Variants in MAGI2 observed in about 807,000 individuals in gnomAD.
MAGI2 encodes membrane associated guanylate kinase, WW and PDZ domain containing 2.
Under a neutral mutation model 133.3 loss-of-function variants are expected in MAGI2, and 35 were observed. The observed-to-expected ratio is 0.26, with a 90% CI of 0.20 to 0.35. The LOEUF (loss-of-function observed/expected upper bound fraction) is 0.35, where lower values mean the gene tolerates loss of function less well. MAGI2 is among the 10% of genes least tolerant of loss of function. The pLI, the probability that MAGI2 is intolerant of heterozygous loss-of-function variation, is 1.00. For missense variants in MAGI2, 1,636 were observed against 1,863.4 expected (o/e 0.88, Z 2.25); for synonymous variants, 729 against 710.6 (o/e 1.03, Z -0.41).
chr7:78,387,674 C>T (rs1316542751), intron 6 of MAGI2, among the ~76,000 whole-genome samples: 1 of 152,142 alleles, frequency 6.6e-6, no homozygotes, highest in Non-Finnish European at 1.5e-5. Context: ...CACCTGTAAT[C>T]CCAGCACTTT....
At chr7:79,011,920 C>CTTTCTTTCTTT (rs1562785320) in intron 1 of MAGI2, among the ~76,000 whole-genome samples, 2 of 123,448 alleles carry the variant, frequency 1.6e-5, no homozygotes, top group East Asian at 3.1e-4. Context: ...TTCCTTCCTT[C>CTTTCTTTCTTT]CTTCCTTTCT....
chr7:78,451,760 C>T (rs1183699738), intron 6 of MAGI2, among the ~76,000 whole-genome samples: 1 of 152,106 alleles, frequency 6.6e-6, no homozygotes, highest in Non-Finnish European at 1.5e-5. Flanking sequence ...TTTGGCAACA[C>T]TGATGGATGG....
At chr7:78,621,047 C>T (rs1348237371) in intron 3 of MAGI2, among the ~76,000 whole-genome samples, 1 of 151,946 alleles carries the variant, frequency 6.6e-6, no homozygotes, top group Admixed American at 6.6e-5. Context: ...TCACAGACAC[C>T]TGGAAGAAGT....
intron 2 of MAGI2, among the ~76,000 whole-genome samples, chr7:78,724,212 A>T (rs1015906548): frequency 3.9e-5 from 6 of 152,180 alleles, no homozygotes; most frequent in Non-Finnish European, 8.8e-5. Context: ...GGAAGAGAGG[A>T]TATAGACATT....
intron 1 of MAGI2, among the ~76,000 whole-genome samples, chr7:79,250,022 C>G (rs1833114444): frequency 6.6e-6 from 1 of 151,910 alleles, no homozygotes; most frequent in Non-Finnish European, 1.5e-5. Flanking sequence ...ATGTGATACA[C>G]TGAAGGACAA....
chr7:78,072,777 C>T (rs1276000526), intron 21 of MAGI2: 1 of 396,662 alleles, frequency 2.5e-6, no homozygotes, highest in African/African-American at 2.1e-5. Flanking sequence ...ACTTCCTGTG[C>T]TTAAGTGATC....
At chr7:79,226,428 C>T (rs1263662018) in intron 1 of MAGI2, among the ~76,000 whole-genome samples, 1 of 152,092 alleles carries the variant, frequency 6.6e-6, no homozygotes, top group Non-Finnish European at 1.5e-5. Flanking sequence ...AATATATAAT[C>T]TTCCCTTTTT....
chr7:78,381,431 A>G (rs1794915360), intron 6 of MAGI2, among the ~76,000 whole-genome samples: 1 of 152,138 alleles, frequency 6.6e-6, no homozygotes, highest in Admixed American at 6.6e-5. Context: ...AGGTTTTCTT[A>G]CTCTGATTCA....
At chr7:79,204,849 T>C (rs1190939325) in intron 1 of MAGI2, among the ~76,000 whole-genome samples, 2 of 151,524 alleles carry the variant, frequency 1.3e-5, no homozygotes, top group South Asian at 4.2e-4. Flanking sequence ...GCAACCGAAA[T>C]CATCAATAAC....
intron 10 of MAGI2, among the ~76,000 whole-genome samples, chr7:78,248,915 A>G (rs1792081947): frequency 6.6e-6 from 1 of 152,054 alleles, no homozygotes. Flanking sequence ...ACAATCAACA[A>G]CCTCCAAAAT....
intron 3 of MAGI2, among the ~76,000 whole-genome samples, chr7:78,531,836 C>G (rs1305861646): frequency 1.3e-5 from 2 of 152,264 alleles, no homozygotes; most frequent in East Asian, 1.9e-4. Context: ...TTTTTAGTCC[C>G]TGTCTTGTAA....
intron 1 of MAGI2, among the ~76,000 whole-genome samples, chr7:79,035,355 T>G: frequency 6.6e-6 from 1 of 152,186 alleles, no homozygotes; most frequent in Admixed American, 6.5e-5. Context: ...GTAAATCTAT[T>G]AAGACTCAAA....
intron 1 of MAGI2, among the ~76,000 whole-genome samples, chr7:79,268,491 T>C (rs1405912062): frequency 6.6e-6 from 1 of 152,230 alleles, no homozygotes; most frequent in Non-Finnish European, 1.5e-5. Flanking sequence ...CGCTAACCTT[T>C]AACATGGTTC....
intron 16 of MAGI2, among the ~76,000 whole-genome samples, chr7:78,136,709 G>A (rs1421442593): frequency 1.3e-5 from 2 of 152,188 alleles, no homozygotes; most frequent in Non-Finnish European, 2.9e-5. Context: ...GCTTTGATCT[G>A]TAGAAATATG....
intron 1 of MAGI2, among the ~76,000 whole-genome samples, chr7:79,183,913 T>A (rs1236814854): frequency 6.6e-6 from 1 of 151,758 alleles, no homozygotes; most frequent in East Asian, 1.9e-4. Flanking sequence ...ATGATCTTAT[T>A]TGTATACAGA....
intron 1 of MAGI2, among the ~76,000 whole-genome samples, chr7:79,056,073 C>A (rs1478752766): frequency 6.6e-6 from 1 of 152,114 alleles, no homozygotes; most frequent in African/African-American, 2.4e-5. Context: ...ACAACCTATC[C>A]AAAGTCTTTT....
chr7:78,761,257 T>C (rs1824477338), intron 2 of MAGI2, among the ~76,000 whole-genome samples: 1 of 152,182 alleles, frequency 6.6e-6, no homozygotes, highest in East Asian at 1.9e-4. Context: ...ATGCAAGGCA[T>C]GGGTGACTTG....
chr7:78,411,838 T>G (rs1314655830), intron 6 of MAGI2, among the ~76,000 whole-genome samples: 1 of 152,068 alleles, frequency 6.6e-6, no homozygotes, highest in Non-Finnish European at 1.5e-5. Flanking sequence ...TGACTTCATT[T>G]AAATGAATAA....
intron 1 of MAGI2, among the ~76,000 whole-genome samples, chr7:79,190,700 T>C (rs1432837497): frequency 1.3e-5 from 2 of 151,908 alleles, no homozygotes; most frequent in Non-Finnish European, 2.9e-5. Context: ...TTAAAGTTTC[T>C]AATTTATTTG....
Sources: gnomAD v4.1 joint callset for allele counts (sites outside exome capture counted in the v4.1 genomes callset) on GRCh38, gnomAD v4.1.1 for gene constraint, MANE v1.5 for transcripts, NCBI Gene and HGNC (gene_info 2026-07-23, HGNC 2026-07-21) for gene names.